The following TRABD2B variants were observed in gnomAD, a reference collection of about 807,000 sequenced individuals.
TRABD2B encodes metalloprotease TIKI2.
Under a neutral mutation model 40.1 loss-of-function variants are expected in TRABD2B, and 14 were observed. That is an observed-to-expected ratio of 0.35 (90% confidence interval 0.23 to 0.55). TRABD2B has a LOEUF of 0.55. TRABD2B is among the 20% of genes least tolerant of loss of function. TRABD2B has a pLI of 0.90. For missense variants in TRABD2B, 541 were observed against 648.6 expected (o/e 0.83, Z 1.80); for synonymous variants, 263 against 277.0 (o/e 0.95, Z 0.50).
In TRABD2B at chr1:47,837,736, C is replaced by A. The variant is rs182425531; in HGVS notation, c.667-36117G>T. 6.6e-5 allele frequency among the ~76,000 whole-genome samples: 10 copies of A among 152,288 alleles called. No individual in the cohort carries two copies. In the East Asian group the frequency reaches 1.9e-3, roughly 29 times the overall value. On this transcript the variant is annotated intron_variant, in intron 2 of 6. Coordinates refer to ENST00000606738, the MANE Select transcript of TRABD2B (RefSeq NM_001194986.2). ...ATGATTCCCGAGGGCAATTATTGCA[C>A]TAGGTTTGCACAGCGGTGCAAATAA...
intron 4 of TRABD2B, among the ~76,000 whole-genome samples, chr1:47,778,835 G>T (rs1644482766): frequency 6.6e-6 from 1 of 152,170 alleles, no homozygotes; most frequent in African/African-American, 2.4e-5. Flanking sequence ...GTTGCTGTGA[G>T]GATTATAAAA....
At chr1:47,894,745 C>G (rs901576287) in intron 2 of TRABD2B, among the ~76,000 whole-genome samples, 1 of 152,118 alleles carries the variant, frequency 6.6e-6, no homozygotes, top group Non-Finnish European at 1.5e-5. Context: ...AATGAACAAG[C>G]CAAGAGTGAA....
At chr1:47,864,425 G>A (rs554253126) in intron 2 of TRABD2B, among the ~76,000 whole-genome samples, 5 of 151,904 alleles carry the variant, frequency 3.3e-5, no homozygotes, top group Admixed American at 6.6e-5. Context: ...TGAGAACTCC[G>A]TAACTTCCTC....
At chr1:47,900,678 A>G (rs1644588187) in intron 2 of TRABD2B, among the ~76,000 whole-genome samples, 1 of 152,164 alleles carries the variant, frequency 6.6e-6, no homozygotes, top group Non-Finnish European at 1.5e-5. Context: ...TGAACGAAGT[A>G]AAAACCTAGT....
At chr1:47,832,264 C>T (rs1305662406) in intron 2 of TRABD2B, among the ~76,000 whole-genome samples, 2 of 151,736 alleles carry the variant, frequency 1.3e-5, no homozygotes, top group Admixed American at 6.6e-5. Flanking sequence ...ATCCGGGAGG[C>T]GGAGCTTGCA....
chr1:47,777,631 G>A (rs1214889451), intron 5 of TRABD2B, among the ~76,000 whole-genome samples: 1 of 152,232 alleles, frequency 6.6e-6, no homozygotes, highest in Non-Finnish European at 1.5e-5. Flanking sequence ...TGAGTTAAAA[G>A]GTCTTAGAGC....
At chr1:47,795,183 A>C (rs573632690) in intron 3 of TRABD2B, among the ~76,000 whole-genome samples, 3 of 152,302 alleles carry the variant, frequency 2.0e-5, no homozygotes, top group Admixed American at 6.5e-5. Flanking sequence ...TGTTTTGTAC[A>C]TGTTTCTCAT....
intron 2 of TRABD2B, among the ~76,000 whole-genome samples, chr1:47,973,775 T>C (rs534908124): frequency 1.3e-5 from 2 of 152,306 alleles, no homozygotes; most frequent in South Asian, 4.1e-4. Context: ...GGAAAGTCCA[T>C]TTTGCATACC....
chr1:47,794,653 C>T lies in TRABD2B; in HGVS notation c.921G>A (p.Met307Ile), dbSNP rs781141705. 1 of 1,536,802 alleles carries T rather than the reference C, an allele frequency of 6.5e-7. No homozygotes were observed. Among genetic ancestry groups the T allele is most frequent in the Non-Finnish European group, 8.7e-7 (1 of 1,146,966 alleles). Residue 307 changes from methionine (M) to isoleucine (I), a missense_variant, in exon 4 of 7, where the codon ATG becomes ATA. By Grantham distance (10) the Met-to-Ile change is conservative. Around this residue, in one of 2 missense-constraint regions of TRABD2B, gnomAD observed 369 missense variants for 492.8 expected, o/e 0.75. Coordinates refer to ENST00000606738, the MANE Select transcript of TRABD2B (RefSeq NM_001194986.2). ...QELIYKRNER[M>I]GKRVMALLRE... is the part of the protein sequence containing the mutation. ...GTAGAAGCGCCATGACCCTCTTCCC[C>T]ATGCGCTCATTCCTCTTGTAGATGA...
In TRABD2B at chr1:47,967,351, A is replaced by G. The variant is rs1266747198; in HGVS notation, c.666+26683T>C. Among the ~76,000 whole-genome samples, 4 of 131,794 alleles carry G rather than the reference A, an allele frequency of 3.0e-5. No homozygotes were observed. In the South Asian group the frequency reaches 9.7e-4, roughly 32 times the overall value. 86.5% of individuals were successfully genotyped at this position (131,794 alleles called of 152,430 possible). ...TAAGCAAGAAAACACACACACACAC[A>G]CACACACACACACACACACACAGCA... On this transcript the variant is annotated intron_variant, in intron 2 of 6. Transcript: ENST00000606738.
At chr1:47,915,227 G>A (rs1644814862) in intron 2 of TRABD2B, among the ~76,000 whole-genome samples, 1 of 152,192 alleles carries the variant, frequency 6.6e-6, no homozygotes, top group South Asian at 2.1e-4. Context: ...AGGTGCAAGA[G>A]AGGGGTGACC....
intron 2 of TRABD2B, among the ~76,000 whole-genome samples, chr1:47,979,573 G>C (rs943199646): frequency 6.6e-6 from 1 of 152,066 alleles, no homozygotes; most frequent in Non-Finnish European, 1.5e-5. Flanking sequence ...TCTATTCACC[G>C]ACCAAGGATC....
At chr1:47,794,403 G>C (rs967689260) in intron 4 of TRABD2B, among the ~76,000 whole-genome samples, 183 bp downstream of exon 4, 1 of 152,166 alleles carries the variant, frequency 6.6e-6, no homozygotes, top group Non-Finnish European at 1.5e-5. Flanking sequence ...GACCGTTATG[G>C]AAGAACCCTT....
In TRABD2B at chr1:47,771,962, G is replaced by A. The variant is rs934182028; in HGVS notation, c.1349+3208C>T. Among the ~76,000 whole-genome samples, 11 of 152,236 alleles carry A rather than the reference G, an allele frequency of 7.2e-5. No individual in the cohort carries two copies. The South Asian group carries it at 8.3e-4, about 11-fold the overall frequency. On this transcript the variant is annotated intron_variant, in intron 6 of 6. Transcript: ENST00000606738. The stretch of plus-strand genomic sequence containing the variant: ...CTCACACTCGCTCCCAGCCCAACCC[G>A]GATCTGATCCTCACGGCCTCCCAGC...
At chr1:47,839,609 T>C (rs533266453) in intron 2 of TRABD2B, among the ~76,000 whole-genome samples, 11 of 152,178 alleles carry the variant, frequency 7.2e-5, no homozygotes, top group Non-Finnish European at 1.5e-5. Context: ...ACACCTCTGA[T>C]GGGAAGGGCA....
rs1644987261 is a variant in TRABD2B, at chr1:47,813,142, C to T, written c.667-11523G>A. Among the ~76,000 whole-genome samples, 1 of 152,208 alleles carries T rather than the reference C, an allele frequency of 6.6e-6. No individual in the cohort carries two copies. Among genetic ancestry groups the T allele is most frequent in the South Asian group, 2.1e-4 (1 of 4,828 alleles). On this transcript the variant is annotated intron_variant, in intron 2 of 6. Transcript: ENST00000606738. This position sits in a 1 kb window ranked among gnomAD's most constrained non-coding sequence, Gnocchi z 4.3. ...CCTGCTGACACAGCTGCCTAAACTT[C>T]AAAAGGCAAGTCTCCATTTTCATTT...
chr1:47,919,560 A>C (rs1644875265), intron 2 of TRABD2B, among the ~76,000 whole-genome samples: 1 of 152,242 alleles, frequency 6.6e-6, no homozygotes, highest in Non-Finnish European at 1.5e-5. Context: ...ACTGTGGGGA[A>C]ATCAGCACCT....
chr1:47,931,526 C>T (rs1645039830), intron 2 of TRABD2B, among the ~76,000 whole-genome samples: 1 of 152,154 alleles, frequency 6.6e-6, no homozygotes, highest in African/African-American at 2.4e-5. Context: ...CTCAGTAACA[C>T]TGGCCGTTCC....
At chr1:47,845,112 G>C (rs1000369138) in intron 2 of TRABD2B, among the ~76,000 whole-genome samples, 7 of 152,096 alleles carry the variant, frequency 4.6e-5, no homozygotes, top group Non-Finnish European at 8.8e-5. Context: ...GTGCGTGCTC[G>C]TGACCAGCTT....
Sources: allele counts gnomAD v4.1 joint callset (sites outside exome capture counted in the v4.1 genomes callset), GRCh38; gene constraint gnomAD v4.1.1; regional missense constraint gnomAD v4.1.1; non-coding constraint Gnocchi (gnomAD v3.1); transcripts MANE v1.5; gene names NCBI Gene and HGNC (gene_info 2026-07-23, HGNC 2026-07-21).